Variants in CAPZA1 observed in about 807,000 individuals in gnomAD.
CAPZA1 encodes F-actin-capping protein subunit alpha-1.
CAPZA1 carries 10 observed loss-of-function variants against 40.8 expected under a neutral mutation model. The observed-to-expected ratio is 0.25, with a 90% confidence interval of 0.15 to 0.42. The LOEUF (loss-of-function observed/expected upper bound fraction) is 0.42, where lower values mean the gene tolerates loss of function less well. Ranked by LOEUF, CAPZA1 falls within the 10% of genes least tolerant of loss-of-function variation. The pLI, the probability that CAPZA1 is intolerant of heterozygous loss-of-function variation, is 1.00. For missense variants in CAPZA1, 277 were observed against 353.8 expected, an observed-to-expected ratio of 0.78 and a Z score of 1.74; for synonymous variants, 98 against 115.0, an observed-to-expected ratio of 0.85 and a Z score of 0.95.
intron 1 of CAPZA1, among the ~76,000 whole-genome samples, chr1:112,645,551 T>C (rs1469771411): frequency 1.3e-5 from 2 of 152,040 alleles, no homozygotes; most frequent in Non-Finnish European, 2.9e-5. Context: ...GGAGGATCAC[T>C]TGAACCCAGG....
chr1:112,648,919 C>T lies in CAPZA1; in HGVS notation c.104-499C>T, dbSNP rs553656610. On this transcript the variant is annotated intron_variant, in intron 2 of 9. Coordinates refer to ENST00000263168, the MANE Select transcript of CAPZA1 (RefSeq NM_006135.3). ...CGGAGGTTGGAATGACCCAAGATTG[C>T]GCCATTGCACTCCAGCCTAGGCGAC... Among the ~76,000 whole-genome samples, 10 of 151,656 alleles carry T rather than the reference C, an allele frequency of 6.6e-5. No homozygotes were observed. In the East Asian group the frequency reaches 1.6e-3, roughly 24 times the overall value.
chr1:112,632,807 T>C (rs4240534), intron 1 of CAPZA1, among the ~76,000 whole-genome samples: 1 of 152,098 alleles, frequency 6.6e-6, no homozygotes, highest in Non-Finnish European at 1.5e-5. Context: ...AATAAAACTC[T>C]TAATTGGCTA....
chr1:112,671,137 C>A lies in CAPZA1; in HGVS notation c.*1005C>A, dbSNP rs1671823257. On this transcript the variant is annotated 3_prime_UTR_variant, in exon 10 of 10. Coordinates refer to ENST00000263168, the MANE Select transcript of CAPZA1 (RefSeq NM_006135.3). The stretch of plus-strand genomic sequence containing the variant: ...TTTAAGGAAATACTAGTGATTTCTT[C>A]TAAATAGGATGTAAAACTTCTTTCA... 1 of 152,620 alleles carries A rather than the reference C, an allele frequency of 6.6e-6. No individual in the cohort carries two copies. The highest frequency in any genetic ancestry group is 2.1e-4 in the South Asian group (1 of 4,832). 9.5% of individuals were successfully genotyped at this position (152,620 alleles called of 1,614,324 possible). A position where few individuals can be genotyped will look rare whatever the true frequency, so the allele number is the denominator to read the frequency against.
chr1:112,653,972 G>A (rs1474429779), intron 4 of CAPZA1, among the ~76,000 whole-genome samples: 1 of 152,134 alleles, frequency 6.6e-6, no homozygotes, highest in African/African-American at 2.4e-5. Context: ...AAAAACAGAG[G>A]CGTTCCTCCT....
At chr1:112,645,486 TAGCC>T (rs974979503) in intron 1 of CAPZA1, among the ~76,000 whole-genome samples, 4 of 151,876 alleles carry the variant, frequency 2.6e-5, no homozygotes, top group Non-Finnish European at 4.4e-5. Flanking sequence ...TTTTAAAAAT[TAGCC>T]AGGCATGGTG....
chr1:112,624,605 CAA>C lies in CAPZA1; in HGVS notation c.39+4747_39+4748del, dbSNP rs34860716. Among the ~76,000 whole-genome samples, 254 of 55,824 alleles carry C rather than the reference CAA, an allele frequency of 4.6e-3. 1 individual carries two copies. The highest frequency in any genetic ancestry group is 0.014 in the African/African-American group (173 of 12,238). The allele number at this position is 55,824 out of a possible 152,430, so 36.6% of individuals were successfully genotyped here. ...CCTGGGCAACAGAGCAAAACTCCAT[CAA>C]AAAAAAAAAAAAAAAAAAAAAAAAG... On this transcript the variant is annotated intron_variant, in intron 1 of 9. Coordinates refer to ENST00000263168, the MANE Select transcript of CAPZA1 (RefSeq NM_006135.3).
At chr1:112,643,931 G>C (rs982319337) in intron 1 of CAPZA1, among the ~76,000 whole-genome samples, 9 of 151,802 alleles carry the variant, frequency 5.9e-5, no homozygotes, top group African/African-American at 1.5e-4. Flanking sequence ...TGCAAACTCT[G>C]CCTCCTGGGT....
chr1:112,652,180 G>T (rs146051546), intron 3 of CAPZA1, among the ~76,000 whole-genome samples: 1 of 149,234 alleles, frequency 6.7e-6, no homozygotes, highest in East Asian at 2.0e-4. Flanking sequence ...AACAAAATAA[G>T]ATTGAAAATT....
intron 1 of CAPZA1, among the ~76,000 whole-genome samples, chr1:112,642,309 G>A (rs538389687): frequency 6.9e-6 from 1 of 145,076 alleles, no homozygotes; most frequent in Non-Finnish European, 1.5e-5. Context: ...TGGTACCTGG[G>A]TTCAAGCAAT....
At chr1:112,633,374 G>C (rs1474164536) in intron 1 of CAPZA1, among the ~76,000 whole-genome samples, 1 of 152,080 alleles carries the variant, frequency 6.6e-6, no homozygotes, top group Non-Finnish European at 1.5e-5. Context: ...ATTTCACTTA[G>C]CATATATCTT....
At chr1:112,624,849 A>G (rs1434927024) in intron 1 of CAPZA1, among the ~76,000 whole-genome samples, 1 of 152,136 alleles carries the variant, frequency 6.6e-6, no homozygotes, top group African/African-American at 2.4e-5. Context: ...AAAAATCTCT[A>G]CTTTAAAAAT....
chr1:112,666,271 T>C (rs1412967349), intron 7 of CAPZA1, among the ~76,000 whole-genome samples: 1 of 152,248 alleles, frequency 6.6e-6, no homozygotes, highest in African/African-American at 2.4e-5. Context: ...TATACTTTTT[T>C]ATCTCCTTGG....
At chr1:112,622,225 A>G (rs556886982) in intron 1 of CAPZA1, among the ~76,000 whole-genome samples, 1 of 152,288 alleles carries the variant, frequency 6.6e-6, no homozygotes, top group Non-Finnish European at 1.5e-5. Context: ...TTCCTTGTAA[A>G]TATTTATGTA....
intron 2 of CAPZA1, among the ~76,000 whole-genome samples, chr1:112,647,704 C>G (rs1671308891): frequency 6.6e-6 from 1 of 152,162 alleles, no homozygotes; most frequent in African/African-American, 2.4e-5. Flanking sequence ...ATTAAATATG[C>G]AGATTCAACT....
rs1026886946 is a variant in CAPZA1 at position 112,636,361 on chromosome 1, T to C, written c.40-10849T>C. 1.4e-4 allele frequency among the ~76,000 whole-genome samples: 21 copies of C among 152,324 alleles called. No homozygotes were observed. The East Asian group carries it at 3.5e-3, about 25-fold the overall frequency. ...AGAGAATAAGACGAATGGGAAGAAA[T>C]TGAAATTTAGGAAATCTTATCTTTT... On this transcript the variant is annotated intron_variant, in intron 1 of 9. Transcript: ENST00000263168.
At chr1:112,648,859 A>T (rs1410182559) in intron 2 of CAPZA1, among the ~76,000 whole-genome samples, 2 of 151,994 alleles carry the variant, frequency 1.3e-5, no homozygotes, top group African/African-American at 4.8e-5. Flanking sequence ...GCTGCTCGGG[A>T]GGCTGAGGCC....
chr1:112,626,968 G>C (rs35572315), intron 1 of CAPZA1, among the ~76,000 whole-genome samples: 89 of 152,290 alleles, frequency 5.8e-4, no homozygotes, highest in Non-Finnish European at 1.1e-3. Context: ...TGGATTCTTT[G>C]TTTTACATCT....
At position 112,633,915 on chromosome 1, in the gene CAPZA1, A is replaced by G. The variant is rs148135796; in HGVS notation, c.40-13295A>G. Among the ~76,000 whole-genome samples, 603 of 152,222 alleles carry G rather than the reference A, an allele frequency of 4.0e-3. 3 individuals carry two copies. Among genetic ancestry groups the G allele is most frequent in the African/African-American group, 0.014 (570 of 41,560 alleles). On this transcript the variant is annotated intron_variant, in intron 1 of 9. Coordinates refer to ENST00000263168, the MANE Select transcript of CAPZA1 (RefSeq NM_006135.3). Reference sequence around the variant, plus strand: ...AAATGTCTGTTCAGACCGTTTGCCCATTTTAAAATTGGGTTATTTGTTTTC... The same window carrying G: ...AAATGTCTGTTCAGACCGTTTGCCCGTTTTAAAATTGGGTTATTTGTTTTC...
chr1:112,622,661 G>A (rs1019445866), intron 1 of CAPZA1, among the ~76,000 whole-genome samples: 1 of 152,118 alleles, frequency 6.6e-6, no homozygotes, highest in African/African-American at 2.4e-5. Flanking sequence ...TCAAAAGTAT[G>A]GTAATTGAGA....
Sources: allele counts gnomAD v4.1 joint callset (sites outside exome capture counted in the v4.1 genomes callset), GRCh38; gene constraint gnomAD v4.1.1; transcripts MANE v1.5; gene names NCBI Gene and HGNC (gene_info 2026-07-23, HGNC 2026-07-21).